Variants in TRIP4 observed in about 807,000 individuals in gnomAD.
The protein encoded by TRIP4 is thyroid hormone receptor interactor 4.
Under a neutral mutation model 81.8 loss-of-function variants are expected in TRIP4, and 54 were observed. That is an observed-to-expected ratio of 0.66 (90% CI 0.53 to 0.83). TRIP4 has a LOEUF of 0.83. Among genes scored for constraint, TRIP4 ranks in the 40% least tolerant of loss-of-function variants. The pLI is 0.00. For synonymous variants in TRIP4, 270 were observed against 242.8 expected, an observed-to-expected ratio of 1.11 and a Z score of -1.04; for missense variants, 662 against 683.6, an observed-to-expected ratio of 0.97 and a Z score of 0.35.
At chr15:64,420,668 C>T (rs939433087) in intron 9 of TRIP4, among the ~76,000 whole-genome samples, 1 of 151,856 alleles carries the variant, frequency 6.6e-6, no homozygotes, top group Non-Finnish European at 1.5e-5. Context: ...GGACTACGGG[C>T]GCCCGCCACC....
In TRIP4 at chr15:64,403,704, G is replaced by A. The variant is rs1279808595; in HGVS notation, c.698-2626G>A. On this transcript the variant is annotated intron_variant, in intron 5 of 12. Transcript: ENST00000261884. ...TAGCTAAAAATAGTCTTTTAACTTG[G>A]TTTATTATAGTATGATTATTTCCTA... Among the ~76,000 whole-genome samples, 5 of 151,984 alleles carry A rather than the reference G, an allele frequency of 3.3e-5. No homozygotes were observed. In the East Asian group the frequency reaches 7.7e-4, roughly 23 times the overall value.
chr15:64,449,553 C>T (rs1414246227), intron 12 of TRIP4, among the ~76,000 whole-genome samples: 3 of 150,018 alleles, frequency 2.0e-5, no homozygotes, highest in African/African-American at 4.9e-5. Flanking sequence ...CAGAATATGA[C>T]CCATTTATGT....
chr15:64,423,900 C>A, intron 9 of TRIP4, 131 bp from the exon 10 acceptor site: 2 of 1,023,706 alleles, frequency 2.0e-6, no homozygotes, highest in Non-Finnish European at 2.9e-6. Context: ...AAAGATACTG[C>A]TCTTGAGAAG....
chr15:64,430,217 A>G (rs1892237950), intron 11 of TRIP4, among the ~76,000 whole-genome samples: 1 of 152,246 alleles, frequency 6.6e-6, no homozygotes, highest in East Asian at 1.9e-4. Flanking sequence ...TGTGCCAGAA[A>G]AAATTCCTCT....
At chr15:64,431,063 C>T (rs1446458570) in intron 11 of TRIP4, among the ~76,000 whole-genome samples, 1 of 152,054 alleles carries the variant, frequency 6.6e-6, no homozygotes, top group African/African-American at 2.4e-5. Flanking sequence ...AAATCATCAG[C>T]TTCTATCACC....
chr15:64,400,887 C>G, intron 5 of TRIP4, 66 bp downstream of exon 5: 2 of 1,336,198 alleles, frequency 1.5e-6, no homozygotes, highest in Non-Finnish European at 2.1e-6. Flanking sequence ...GTGGTTGTTT[C>G]TCTTTTCTGT....
chr15:64,449,054 T>G (rs553402804), intron 12 of TRIP4, among the ~76,000 whole-genome samples: 2 of 151,462 alleles, frequency 1.3e-5, no homozygotes, highest in African/African-American at 4.8e-5. Context: ...TACAAAAAAA[T>G]AAAAAAAATT....
At chr15:64,408,502 G>A (rs983174751) in intron 6 of TRIP4, among the ~76,000 whole-genome samples, 7 of 147,178 alleles carry the variant, frequency 4.8e-5, no homozygotes, top group South Asian at 2.2e-4. Context: ...CTTGTGATCC[G>A]TCCGCCTCAG....
In TRIP4 at chr15:64,387,934, T is replaced by C. The variant is rs1417863434; in HGVS notation, c.71T>C (p.Phe24Ser). The change falls in exon 1 of 13, where the codon TTC (phenylalanine) becomes TCC (serine). Residue 24 changes from phenylalanine (F) to serine (S), a missense_variant. Physicochemically the swap from Phe to Ser is radical, Grantham distance 155. Transcript: ENST00000261884. ...TGCACCCAGCAGTTGCGGAAGACTT[T>C]CGGCCTGGATGTCAGCGAGGAGATC... ...HWCTQQLRKT[F>S]GLDVSEEIIQ... is the part of the protein sequence containing the mutation. 1 of 1,551,150 alleles carries C rather than the reference T, an allele frequency of 6.4e-7. No individual in the cohort carries two copies. Among genetic ancestry groups the C allele is most frequent in the Non-Finnish European group, 8.7e-7 (1 of 1,147,044 alleles).
chr15:64,454,316 C>G (rs1427192755), intron 12 of TRIP4, among the ~76,000 whole-genome samples: 2 of 152,104 alleles, frequency 1.3e-5, no homozygotes, highest in Non-Finnish European at 2.9e-5. Context: ...AGGCTGCTAC[C>G]ACTGAGCCAA....
intron 11 of TRIP4, among the ~76,000 whole-genome samples, chr15:64,431,590 C>G (rs1185454533): frequency 1.3e-5 from 2 of 151,528 alleles, no homozygotes; most frequent in South Asian, 4.2e-4. Context: ...CCCGTAATCC[C>G]AGCTACTTGG....
At chr15:64,413,525 G>C (rs1484428692) in intron 7 of TRIP4, among the ~76,000 whole-genome samples, 1 of 152,048 alleles carries the variant, frequency 6.6e-6, no homozygotes, top group African/African-American at 2.4e-5. Flanking sequence ...TTGTTGAGCA[G>C]GTGAATGACT....
intron 5 of TRIP4, among the ~76,000 whole-genome samples, chr15:64,405,885 A>C (rs1596341014): frequency 6.6e-6 from 1 of 152,164 alleles, no homozygotes; most frequent in African/African-American, 2.4e-5. Context: ...TCAGCTATTC[A>C]GGAAGCTGAG....
At chr15:64,388,016 C>T in intron 1 of TRIP4, 52 bp downstream of exon 1, 9 of 1,491,152 alleles carry the variant, frequency 6.0e-6, no homozygotes, top group Non-Finnish European at 8.1e-6. Context: ...TGTGCACTGC[C>T]TGAGCGAACC....
chr15:64,415,684 C>T (rs931686669), intron 8 of TRIP4, among the ~76,000 whole-genome samples: 1 of 152,146 alleles, frequency 6.6e-6, no homozygotes, highest in Non-Finnish European at 1.5e-5. Flanking sequence ...TCTAATATAA[C>T]CTCATCTTAA....
At chr15:64,392,056 C>T (rs1944614015) in intron 1 of TRIP4, among the ~76,000 whole-genome samples, 2 of 149,506 alleles carry the variant, frequency 1.3e-5, no homozygotes, top group South Asian at 2.2e-4. Context: ...GGGCAAATCA[C>T]TTGAGGTCAG....
intron 11 of TRIP4, among the ~76,000 whole-genome samples, chr15:64,431,883 T>C (rs369395678): frequency 2.3e-4 from 23 of 100,226 alleles, no homozygotes; most frequent in South Asian, 6.8e-4. Context: ...TTTTCTTTTT[T>C]TTTTTTTTTT....
At position 64,424,297 on chromosome 15, in the gene TRIP4, G is replaced by A. The variant is rs903387076; in HGVS notation, c.1483+142G>A. On this transcript the variant is annotated intron_variant, in intron 10 of 12. Transcript: ENST00000261884. Reference sequence around the variant, plus strand: ...TTTGTATATGTTTGTTTGTTTAGTGGTAAATCATTGACAGCGTTCAAAGCA... The same window carrying A: ...TTTGTATATGTTTGTTTGTTTAGTGATAAATCATTGACAGCGTTCAAAGCA... The A allele has an allele frequency of 2.8e-5, 33 of 1,159,140 alleles. No individual in the cohort carries two copies. In the African/African-American group the frequency reaches 3.0e-4, roughly 10 times the overall value. The allele number at this position is 1,159,140 out of a possible 1,614,324, so 71.8% of individuals were successfully genotyped here.
intron 1 of TRIP4, 154 bp downstream of exon 1, chr15:64,388,118 T>G (rs1479492464): frequency 1.2e-5 from 15 of 1,297,652 alleles, no homozygotes; most frequent in Non-Finnish European, 1.5e-5. Flanking sequence ...GCCTCCACCT[T>G]TGTAGTTTAG....
Sources: gnomAD v4.1 joint callset for allele counts (sites outside exome capture counted in the v4.1 genomes callset) on GRCh38, gnomAD v4.1.1 for gene constraint, MANE v1.5 for transcripts, NCBI Gene and HGNC (gene_info 2026-07-23, HGNC 2026-07-21) for gene names.